EYS: variants seen among roughly 807,000 people sequenced by gnomAD.
EYS encodes the protein protein eyes shut homolog.
In EYS, 250 loss-of-function variants were observed where a neutral mutation model predicts 282.1. That is an observed-to-expected ratio of 0.89 (90% CI 0.80 to 0.98). EYS has a LOEUF of 0.98. Ranked by LOEUF, EYS falls within the 50% of genes least tolerant of loss-of-function variation. EYS has a pLI of 0.00. For synonymous variants in EYS, 1,355 were observed against 1,282.9 expected (o/e 1.06, Z -1.20); for missense variants, 4,016 against 3,709.0 (o/e 1.08, Z -2.15).
intron 12 of EYS, among the ~76,000 whole-genome samples, chr6:65,097,345 C>G (rs1774767830): frequency 6.6e-6 from 1 of 150,536 alleles, no homozygotes; most frequent in Non-Finnish European, 1.5e-5. Context: ...CACAAGATAA[C>G]AAGTATTGGT....
intron 12 of EYS, among the ~76,000 whole-genome samples, chr6:65,107,361 G>T (rs77528606): frequency 0.022 from 3,251 of 147,316 alleles, 35 homozygotes; most frequent in African/African-American, 0.028. Flanking sequence ...AGGACTATTT[G>T]CCCACCTTTG....
intron 12 of EYS, among the ~76,000 whole-genome samples, chr6:65,084,420 T>C (rs1774308560): frequency 6.6e-6 from 1 of 152,182 alleles, no homozygotes. Flanking sequence ...TCACTCAAAT[T>C]GCCAATTTAA....
rs138194790 is a variant in EYS at position 65,373,986 on chromosome 6, G to A, written c.1299+10400C>T. Among the ~76,000 whole-genome samples the A allele has an allele frequency of 2.1e-3, 314 of 152,184 alleles. 1 individual carries two copies. The highest frequency in any genetic ancestry group is 6.9e-3 in the African/African-American group (288 of 41,530). On this transcript the variant is annotated intron_variant, in intron 8 of 42. Transcript: ENST00000503581. ...TTTGTGATACAGAAATATAAACTGC[G>A]TATGCTTTTATGTTCTGTGATATGA...
At chr6:63,942,001 T>C (rs937199274) in intron 35 of EYS, among the ~76,000 whole-genome samples, 2 of 152,270 alleles carry the variant, frequency 1.3e-5, no homozygotes, top group South Asian at 4.1e-4. Context: ...CAGAGTACAA[T>C]GAGTTAAACA....
At chr6:64,997,730 C>T in intron 13 of EYS, 27 bp from the exon 14 acceptor site, 1 of 1,547,714 alleles carries the variant, frequency 6.5e-7, no homozygotes, top group Non-Finnish European at 8.7e-7. Flanking sequence ...AGAGAAAACT[C>T]TTAACATTCC....
intron 9 of EYS, 28 bp from the exon 10 acceptor site, chr6:65,344,205 A>G (rs372532588): frequency 2.1e-4 from 328 of 1,554,370 alleles, no homozygotes; most frequent in Non-Finnish European, 2.7e-4. Flanking sequence ...TAAAAAATTA[A>G]ATAAACTCTT....
chr6:64,734,299 A>G (rs1334811309), intron 22 of EYS, among the ~76,000 whole-genome samples: 1 of 152,116 alleles, frequency 6.6e-6, no homozygotes, highest in Non-Finnish European at 1.5e-5. Flanking sequence ...CATGTAAGTT[A>G]TCTATAGAAA....
At chr6:65,575,711 G>GA (rs1165225638) in intron 2 of EYS, among the ~76,000 whole-genome samples, 2 of 150,992 alleles carry the variant, frequency 1.3e-5, no homozygotes, top group East Asian at 1.9e-4. Context: ...GACCAACAGG[G>GA]AAAAAAAAGA....
intron 31 of EYS, among the ~76,000 whole-genome samples, chr6:64,190,724 GGC>G (rs1222742202): frequency 2.6e-5 from 4 of 152,042 alleles, no homozygotes; most frequent in African/African-American, 9.7e-5. Context: ...TTCTGTGGAG[GGC>G]GCCTGAGGAT....
At position 65,463,572 on chromosome 6, in the gene EYS, A is replaced by G. The variant is rs1443193521; in HGVS notation, c.862+27022T>C. The stretch of plus-strand genomic sequence containing the variant: ...CATATTTGTTCAATGCCAGAGAATA[A>G]TTTATAAACTAATTTGTGCAAGAAG... On this transcript the variant is annotated intron_variant, in intron 5 of 42. Transcript: ENST00000503581. Among the ~76,000 whole-genome samples the G allele has an allele frequency of 2.0e-5, 3 of 152,198 alleles. No homozygotes were observed. In the East Asian group the frequency reaches 5.8e-4, roughly 29 times the overall value.
At chr6:65,030,545 T>C (rs897147843) in intron 13 of EYS, among the ~76,000 whole-genome samples, 1 of 152,188 alleles carries the variant, frequency 6.6e-6, no homozygotes, top group African/African-American at 2.4e-5. Flanking sequence ...CCACTATTGC[T>C]GCTGGCATGC....
At chr6:63,726,962 A>C (rs1259728756) in intron 41 of EYS, among the ~76,000 whole-genome samples, 1 of 152,086 alleles carries the variant, frequency 6.6e-6, no homozygotes, top group Admixed American at 6.5e-5. Flanking sequence ...TCTGCTCTAG[A>C]TTGCATTATA....
At chr6:64,976,326 C>G (rs1242504805) in intron 14 of EYS, among the ~76,000 whole-genome samples, 1 of 151,392 alleles carries the variant, frequency 6.6e-6, no homozygotes, top group East Asian at 1.9e-4. Flanking sequence ...ACATATTGGC[C>G]TATTTTATAA....
At chr6:65,273,076 T>A (rs918581036) in intron 12 of EYS, among the ~76,000 whole-genome samples, 4 of 152,026 alleles carry the variant, frequency 2.6e-5, no homozygotes, top group African/African-American at 9.7e-5. Flanking sequence ...ATACACTGGA[T>A]AAAAAAAGAT....
chr6:65,618,429 G>A (rs1246152170), intron 2 of EYS, among the ~76,000 whole-genome samples: 2 of 152,234 alleles, frequency 1.3e-5, no homozygotes, highest in African/African-American at 4.8e-5. Flanking sequence ...ATTTGTTTGA[G>A]TTCATTGTAG....
intron 12 of EYS, among the ~76,000 whole-genome samples, chr6:65,262,919 AT>A (rs1767656030): frequency 6.6e-6 from 1 of 152,138 alleles, no homozygotes; most frequent in South Asian, 2.1e-4. Context: ...TGGATCCGTC[AT>A]TGATATTATA....
chr6:64,896,347 C>A (rs1384601140), intron 18 of EYS, among the ~76,000 whole-genome samples: 1 of 152,036 alleles, frequency 6.6e-6, no homozygotes, highest in Non-Finnish European at 1.5e-5. Context: ...GGCCTCCCTC[C>A]CCTAACCAAG....
chr6:64,817,102 G>C (rs1583188565), intron 21 of EYS, among the ~76,000 whole-genome samples: 1 of 152,040 alleles, frequency 6.6e-6, no homozygotes, highest in African/African-American at 2.4e-5. Flanking sequence ...TCTAATTAAA[G>C]GATATCGATA....
chr6:65,393,006 G>T (rs1261784363), intron 7 of EYS, among the ~76,000 whole-genome samples: 1 of 152,092 alleles, frequency 6.6e-6, no homozygotes, highest in Non-Finnish European at 1.5e-5. Context: ...AAAATGATGA[G>T]TTCATGTCCT....
Sources: gnomAD v4.1 joint callset for allele counts (sites outside exome capture counted in the v4.1 genomes callset) on GRCh38, gnomAD v4.1.1 for gene constraint, MANE v1.5 for transcripts, NCBI Gene and HGNC (gene_info 2026-07-23, HGNC 2026-07-21) for gene names.